Variants in ST3GAL3 observed in about 807,000 individuals in gnomAD.
ST3GAL3 encodes ST3 beta-galactoside alpha-2,3-sialyltransferase 3.
Under a neutral mutation model 50.1 loss-of-function variants are expected in ST3GAL3, and 21 were observed. That is an observed-to-expected ratio of 0.42 (90% CI 0.30 to 0.60). ST3GAL3 has a LOEUF of 0.60. Among genes scored for constraint, ST3GAL3 ranks in the 20% least tolerant of loss-of-function variants. The pLI is 0.19. For missense variants in ST3GAL3, 353 were observed against 489.4 expected (o/e 0.72, Z 2.63); for synonymous variants, 183 against 190.0 (o/e 0.96, Z 0.30).
intron 9 of ST3GAL3, among the ~76,000 whole-genome samples, chr1:43,918,536 C>G (rs1228698002): frequency 6.6e-6 from 1 of 152,150 alleles, no homozygotes; most frequent in Non-Finnish European, 1.5e-5. Context: ...GTTCCCATAA[C>G]CTATACCTGT....
At chr1:43,873,656 G>A (rs148200135) in intron 5 of ST3GAL3, among the ~76,000 whole-genome samples, 1,522 of 152,140 alleles carry the variant, frequency 0.01, 26 homozygotes, top group African/African-American at 0.035. Flanking sequence ...GTGGTGGTGC[G>A]TGCCTGTAAT....
intron 2 of ST3GAL3, among the ~76,000 whole-genome samples, chr1:43,790,607 C>CAATCTTCA (rs1399496957): frequency 1.3e-5 from 2 of 149,670 alleles, no homozygotes; most frequent in Non-Finnish European, 3.0e-5. Flanking sequence ...GTAGAATATA[C>CAATCTTCA]AATCTTCAAC....
intron 4 of ST3GAL3, among the ~76,000 whole-genome samples, chr1:43,837,750 C>T (rs552795721): frequency 1.8e-4 from 27 of 152,298 alleles, no homozygotes; most frequent in Non-Finnish European, 7.3e-5. Context: ...GCGAGAGGAT[C>T]GCTTGAACTC....
chr1:43,903,763 G>A (rs11210934), intron 9 of ST3GAL3, among the ~76,000 whole-genome samples: 83,710 of 151,748 alleles, frequency 0.55, 27,319 homozygotes, highest in Non-Finnish European at 0.73. Flanking sequence ...TGGCTTAAGA[G>A]GGGAAAATGG....
chr1:43,906,027 C>T lies in ST3GAL3; in HGVS notation c.744+6300C>T, dbSNP rs1185502365. Among the ~76,000 whole-genome samples the T allele has an allele frequency of 8.2e-5, 8 of 97,686 alleles. No individual in the cohort carries two copies. In the South Asian group the frequency reaches 2.5e-3, roughly 31 times the overall value. 64.1% of individuals were successfully genotyped at this position (97,686 alleles called of 152,430 possible). A position where few individuals can be genotyped will look rare whatever the true frequency, so the allele number is the denominator to read the frequency against. On this transcript the variant is annotated intron_variant, in intron 9 of 11. Coordinates refer to ENST00000347631, the MANE Select transcript of ST3GAL3 (RefSeq NM_006279.5). The stretch of plus-strand genomic sequence containing the variant: ...CCCCTCCTCCTTCTGTTCCTCTTCC[C>T]GCCACTCTTCCTCCCCCTCCCCCTC...
At chr1:43,874,536 A>G (rs918638462) in intron 5 of ST3GAL3, among the ~76,000 whole-genome samples, 2 of 152,168 alleles carry the variant, frequency 1.3e-5, no homozygotes, top group Admixed American at 1.3e-4. Context: ...AAGAAGAGAG[A>G]AGGGGTTTAA....
intron 5 of ST3GAL3, among the ~76,000 whole-genome samples, chr1:43,874,874 T>A (rs1431521262): frequency 1.3e-5 from 2 of 152,132 alleles, no homozygotes; most frequent in Non-Finnish European, 2.9e-5. Flanking sequence ...GTATGAGTAG[T>A]CATCCAGGAG....
intron 2 of ST3GAL3, among the ~76,000 whole-genome samples, chr1:43,791,900 T>G (rs181093493): frequency 6.6e-6 from 1 of 152,268 alleles, no homozygotes; most frequent in Admixed American, 6.5e-5. Flanking sequence ...TCTCTCCCTC[T>G]GGCAGGAGGC....
chr1:43,839,439 T>G (rs2064983935), intron 5 of ST3GAL3: 1 of 152,216 alleles, frequency 6.6e-6, no homozygotes, highest in South Asian at 2.1e-4. Context: ...CAGACACTTG[T>G]GAGTTTTCCT....
At chr1:43,743,542 AC>A (rs1682031286) in intron 2 of ST3GAL3, 1 of 419,616 alleles carries the variant, frequency 2.4e-6, no homozygotes, top group East Asian at 7.9e-5. Context: ...TAAGAGGGAT[AC>A]ACCATTTAGT....
chr1:43,720,220 C>T (rs1200972790), intron 1 of ST3GAL3, among the ~76,000 whole-genome samples: 1 of 152,050 alleles, frequency 6.6e-6, no homozygotes, highest in African/African-American at 2.4e-5. Flanking sequence ...CAGAGTGATA[C>T]CCTGTCTCTT....
At chr1:43,923,382 T>C (rs1477808386) in intron 11 of ST3GAL3, among the ~76,000 whole-genome samples, 1 of 152,172 alleles carries the variant, frequency 6.6e-6, no homozygotes. Flanking sequence ...CCACCTATAT[T>C]GTATCAGGCT....
intron 5 of ST3GAL3, among the ~76,000 whole-genome samples, chr1:43,860,793 C>T (rs2069723246): frequency 6.6e-6 from 1 of 152,206 alleles, no homozygotes; most frequent in African/African-American, 2.4e-5. Context: ...GTTACAGTCA[C>T]CATGTTCTCC....
intron 2 of ST3GAL3, among the ~76,000 whole-genome samples, chr1:43,759,065 G>GCGCGCACACACACACACACA (rs60386464): frequency 4.0e-5 from 3 of 75,452 alleles, no homozygotes; most frequent in East Asian, 3.3e-4. Flanking sequence ...AAAAGCGCGC[G>GCGCGCACACACACACACACA]CACACACACA....
chr1:43,724,202 TTTTA>T (rs767723120), intron 1 of ST3GAL3, among the ~76,000 whole-genome samples: 31 of 152,010 alleles, frequency 2.0e-4, no homozygotes, highest in South Asian at 4.1e-4. Flanking sequence ...TGTAAATATA[TTTTA>T]TTTATTTATT....
intron 2 of ST3GAL3, among the ~76,000 whole-genome samples, chr1:43,781,356 C>T (rs145412810): frequency 4.6e-5 from 7 of 152,174 alleles, no homozygotes; most frequent in East Asian, 1.9e-4. Context: ...CCTGTAATCC[C>T]GGCATTTTAG....
At position 43,903,913 on chromosome 1, in the gene ST3GAL3, G is replaced by C. The variant is rs77475489; in HGVS notation, c.744+4186G>C. ...TGAGTAGTGCTGTGCATCTTTCAGG[G>C]TTTTTTTAAAATTAGATAAGATGAA... On this transcript the variant is annotated intron_variant, in intron 9 of 11. Transcript: ENST00000347631. Among the ~76,000 whole-genome samples, 629 of 152,218 alleles carry C rather than the reference G, an allele frequency of 4.1e-3. 4 individuals are homozygous for C. Among genetic ancestry groups the C allele is most frequent in the African/African-American group, 0.015 (604 of 41,506 alleles).
At chr1:43,878,252 G>A (rs2074458732) in intron 5 of ST3GAL3, among the ~76,000 whole-genome samples, 1 of 151,960 alleles carries the variant, frequency 6.6e-6, no homozygotes, top group Non-Finnish European at 1.5e-5. Context: ...ATGGTGTTAG[G>A]GCTCACCTAG....
chr1:43,765,753 C>CTGTGTGTGTGTGTGTG (rs778848698), intron 2 of ST3GAL3, among the ~76,000 whole-genome samples: 1 of 115,720 alleles, frequency 8.6e-6, no homozygotes, highest in Non-Finnish European at 1.9e-5. Context: ...CTGTGTGTGT[C>CTGTGTGTGTGTGTGTG]TGTGTGTGTG....
Sources: allele counts gnomAD v4.1 joint callset (sites outside exome capture counted in the v4.1 genomes callset), GRCh38; gene constraint gnomAD v4.1.1; transcripts MANE v1.5; gene names NCBI Gene and HGNC (gene_info 2026-07-23, HGNC 2026-07-21).